The following LEPR variants were observed in gnomAD, a reference collection of about 807,000 sequenced individuals.
The protein encoded by LEPR is OB receptor.
In LEPR, 56 loss-of-function variants were observed where a neutral mutation model predicts 114.7. The ratio of observed to expected loss-of-function variants is 0.49; its 90% CI spans 0.39 to 0.61. LEPR has a LOEUF of 0.61. Ranked by LOEUF, LEPR falls within the 20% of genes least tolerant of loss-of-function variation. The pLI is 0.00. For missense variants in LEPR, 1,202 were observed against 1,352.9 expected (o/e 0.89, Z 1.75); for synonymous variants, 443 against 461.4 (o/e 0.96, Z 0.51).
At chr1:65,597,589 T>C (rs1169721549) in intron 7 of LEPR, among the ~76,000 whole-genome samples, 1 of 151,832 alleles carries the variant, frequency 6.6e-6, no homozygotes, top group Non-Finnish European at 1.5e-5. Flanking sequence ...GTGCAAAGGA[T>C]GGTGTGGCTG....
intron 2 of LEPR, among the ~76,000 whole-genome samples, chr1:65,462,367 T>C (rs1646956624): frequency 6.6e-6 from 1 of 152,252 alleles, no homozygotes. Context: ...ATGATGTGTA[T>C]ATGTGCTACA....
chr1:65,552,008 G>T (rs758407043), intron 2 of LEPR, among the ~76,000 whole-genome samples: 2 of 152,168 alleles, frequency 1.3e-5, no homozygotes, highest in Non-Finnish European at 2.9e-5. Context: ...CCATGCAGTT[G>T]TGCAGTTCTG....
At chr1:65,578,406 C>T (rs1654748603) in intron 5 of LEPR, 1 of 217,242 alleles carries the variant, frequency 4.6e-6, no homozygotes, top group South Asian at 8.4e-5. Context: ...ACTAATGGGC[C>T]ATTTTCAATT....
intron 2 of LEPR, chr1:65,432,666 T>C (rs987445315): frequency 2.5e-4 from 247 of 983,108 alleles, no homozygotes; most frequent in Non-Finnish European, 2.7e-4. Flanking sequence ...TGAAAAGTGT[T>C]CTCAGAATTG....
chr1:65,544,985 T>A (rs1570652409), intron 2 of LEPR, among the ~76,000 whole-genome samples: 1 of 140,894 alleles, frequency 7.1e-6, no homozygotes, highest in Non-Finnish European at 1.5e-5. Context: ...GTCCCCAGAG[T>A]GTGATGTTCC....
In LEPR at chr1:65,632,663, A is replaced by G. The variant is rs560855645; in HGVS notation, c.2674-3528A>G. 1.5e-4 allele frequency among the ~76,000 whole-genome samples: 23 copies of G among 152,206 alleles called. No homozygotes were observed. The South Asian group carries it at 4.8e-3, about 32-fold the overall frequency. Reference sequence around the variant, plus strand: ...AAAAGGGAGACACTTGGACCATATAATTTCTGAGATCTTATTTCTAGATTT... The same window carrying G: ...AAAAGGGAGACACTTGGACCATATAGTTTCTGAGATCTTATTTCTAGATTT... On this transcript the variant is annotated intron_variant, in intron 19 of 19. Coordinates refer to ENST00000349533, the MANE Select transcript of LEPR (RefSeq NM_002303.6).
chr1:65,484,677 G>A (rs1386346163), intron 2 of LEPR, among the ~76,000 whole-genome samples: 1 of 152,166 alleles, frequency 6.6e-6, no homozygotes, highest in African/African-American at 2.4e-5. Flanking sequence ...CAACTGAAAA[G>A]CCTCTGGCTT....
chr1:65,493,409 G>A (rs1223948420), intron 2 of LEPR, among the ~76,000 whole-genome samples: 1 of 151,994 alleles, frequency 6.6e-6, no homozygotes, highest in African/African-American at 2.4e-5. Context: ...GTAAGGTCTT[G>A]CTTTTGCTCC....
chr1:65,570,858 C>A, intron 4 of LEPR, 56 bp downstream of exon 4: 1 of 1,401,576 alleles, frequency 7.1e-7, no homozygotes, highest in South Asian at 1.6e-5. Context: ...TTCTTTGATA[C>A]CTGTATGAAA....
intron 2 of LEPR, among the ~76,000 whole-genome samples, chr1:65,445,728 GT>G (rs965904085): frequency 6.6e-6 from 1 of 150,542 alleles, no homozygotes; most frequent in Non-Finnish European, 1.5e-5. Flanking sequence ...TTAGAGTTTT[GT>G]TTTTTTTCTA....
At chr1:65,595,381 T>C (rs1360210491) in intron 6 of LEPR, among the ~76,000 whole-genome samples, 2 of 152,124 alleles carry the variant, frequency 1.3e-5, no homozygotes, top group Non-Finnish European at 2.9e-5. Context: ...CTGATAACTT[T>C]TACAGTATGC....
intron 2 of LEPR, among the ~76,000 whole-genome samples, chr1:65,548,610 A>T (rs1201727362): frequency 6.6e-6 from 1 of 152,072 alleles, no homozygotes; most frequent in East Asian, 1.9e-4. Context: ...AGTCTGTTTT[A>T]TCAGAGACTA....
intron 9 of LEPR, 75 bp from the exon 10 acceptor site, chr1:65,601,767 AT>A: frequency 1.3e-6 from 2 of 1,590,524 alleles, no homozygotes; most frequent in Non-Finnish European, 1.7e-6. Flanking sequence ...CCTGTTAAAG[AT>A]GTAAGAAAAA....
chr1:65,523,492 A>G (rs1410947777), intron 2 of LEPR, among the ~76,000 whole-genome samples: 1 of 151,756 alleles, frequency 6.6e-6, no homozygotes, highest in Non-Finnish European at 1.5e-5. Context: ...TGTATTTTTA[A>G]TGGAGATGGG....
At chr1:65,626,176 G>T in intron 19 of LEPR, 2 of 1,611,318 alleles carry the variant, frequency 1.2e-6, no homozygotes, top group East Asian at 4.5e-5. Flanking sequence ...CTTAGGAAAT[G>T]CTTGTAGACT....
chr1:65,568,501 A>AGT (rs35333524), intron 3 of LEPR, among the ~76,000 whole-genome samples: 61,673 of 147,948 alleles, frequency 0.42, 13,561 homozygotes, highest in East Asian at 0.83. Context: ...ATGGTGTGTG[A>AGT]GTGTGTGTGT....
At chr1:65,550,442 G>T (rs569246645) in intron 2 of LEPR, among the ~76,000 whole-genome samples, 1 of 152,346 alleles carries the variant, frequency 6.6e-6, no homozygotes, top group East Asian at 1.9e-4. Context: ...AGGCAGGCAG[G>T]CCTCCTTGAG....
At chr1:65,498,897 T>G (rs894734039) in intron 2 of LEPR, among the ~76,000 whole-genome samples, 1 of 152,094 alleles carries the variant, frequency 6.6e-6, no homozygotes, top group African/African-American at 2.4e-5. Context: ...TCTTTAAAAG[T>G]TTGCATCTTT....
At position 65,620,018 on chromosome 1, in the gene LEPR, C is replaced by G. The variant is rs1226619484; in HGVS notation, c.2486C>G (p.Thr829Ser). 2.5e-6 allele frequency: 4 copies of G among 1,607,746 alleles called. No homozygotes were observed. Among genetic ancestry groups the G allele is most frequent in the Non-Finnish European group, 3.4e-6 (4 of 1,174,882 alleles). Residue 829 changes from threonine to serine, a missense_variant, in exon 17 of 20, where the codon ACT becomes AGT. Transcript: ENST00000349533. ...VGKPKIINSFTQDDIEKHQSD... is the reference protein window; with the variant it reads ...VGKPKIINSFSQDDIEKHQSD... ...AAACCAAAGATAATTAATAGTTTCA[C>G]TCAAGGTAAAAATTATAATTTTAGT...
Sources: gnomAD v4.1 joint callset for allele counts (sites outside exome capture counted in the v4.1 genomes callset) on GRCh38, gnomAD v4.1.1 for gene constraint, MANE v1.5 for transcripts, NCBI Gene and HGNC (gene_info 2026-07-23, HGNC 2026-07-21) for gene names.